The following DDX3Y variants were observed in gnomAD, a reference collection of about 807,000 sequenced individuals.
The protein encoded by DDX3Y is DEAD-box helicase 3 Y-linked, also known as ATP-dependent RNA helicase DDX3Y.
A neutral mutation model predicts 15.1 loss-of-function variants in DDX3Y; 2 were observed. That is an observed-to-expected ratio of 0.13 (90% CI 0.05 to 0.42). DDX3Y has a LOEUF of 0.42. Among genes scored for constraint, DDX3Y ranks in the 10% least tolerant of loss-of-function variants. The probability of loss-of-function intolerance (pLI) is 0.99; values close to 1 mark genes in which losing one functional copy is unlikely to be tolerated. For missense variants in DDX3Y, 81 were observed against 149.9 expected (o/e 0.54, Z 2.40); for synonymous variants, 47 against 45.0 (o/e 1.04, Z -0.18).
rs755590683 is a variant in DDX3Y at position 12,916,261 on chromosome Y, G to A, written c.1310G>A (p.Gly437Glu). 2.5e-6 allele frequency: 1 copy of A among 397,233 alleles called. No individual in the cohort carries two copies. Among genetic ancestry groups the A allele is most frequent in the South Asian group, 3.0e-5 (1 of 33,539 alleles). Residue 437 changes from glycine to glutamate, a missense_variant and splice_region_variant, in exon 13 of 17, where the codon GGG (glycine) becomes GAG (glutamate). Coordinates refer to ENST00000336079, the MANE Select transcript of DDX3Y (RefSeq NM_004660.5). ...SFLLDILGAT[G>E]SDSLTLVFVE... ...TAAACAAAGCCTTATAATTTTTCAG[G>A]GAGTGATTCACTTACTTTAGTGTTT...
chrY:12,917,482 C>T lies in DDX3Y; in HGVS notation c.1843C>T (p.Arg615Cys). The T allele has an allele frequency of 2.5e-6, 1 of 397,883 alleles. No homozygotes were observed. ...GSSSSGFGASRGSSSRSGGGG... is the reference protein window; with the variant it reads ...GSSSSGFGASCGSSSRSGGGG... ...CAGCAGTTCTGGCTTTGGTGCTAGTCGCGGAAGCAGCAGCCGCAGTGGTGG... is the reference window on the plus strand; with the variant it reads ...CAGCAGTTCTGGCTTTGGTGCTAGTTGCGGAAGCAGCAGCCGCAGTGGTGG... The change falls in exon 16 of 17, where the codon CGC becomes TGC. Residue 615 changes from arginine to cysteine, a missense_variant. By Grantham distance (180) the Arg-to-Cys change is radical (BLOSUM62 -3). Coordinates refer to ENST00000336079, the MANE Select transcript of DDX3Y (RefSeq NM_004660.5).
chrY:12,911,862 G>T lies in DDX3Y; in HGVS notation c.175G>T (p.Gly59Cys). The T allele has an allele frequency of 2.5e-6, 1 of 398,149 alleles. No homozygotes were observed. The highest frequency in any genetic ancestry group is 3.5e-6 in the Non-Finnish European group (1 of 282,953). Residue 59 changes from glycine to cysteine, a missense_variant, in exon 4 of 17, where the codon GGT becomes TGT. Transcript: ENST00000336079. ...AGGATTCCATGATAAAGACAGTTCA[G>T]GTTGGAGTTGCAGCAAAGATAAGGA... The part of the protein sequence containing the change: ...SKGFHDKDSS[G>C]WSCSKDKDAY...
chrY:12,907,028 G>GT (rs555293982), intron 1 of DDX3Y, among the ~76,000 whole-genome samples: 3,380 of 24,488 alleles, frequency 0.14, no homozygotes, highest in African/African-American at 0.54. Flanking sequence ...ACATAGTGAA[G>GT]TTTTTTTTTT....
intron 3 of DDX3Y, chrY:12,909,833 A>T: frequency 3.0e-5 from 1 of 33,002 alleles, no homozygotes; most frequent in Non-Finnish European, 7.4e-5. Context: ...GCCACATCCA[A>T]TAAGCTGGTG....
chrY:12,910,588 C>T (rs752279320), intron 3 of DDX3Y, among the ~76,000 whole-genome samples: 11 of 32,775 alleles, frequency 3.4e-4, no homozygotes, highest in Non-Finnish European at 6.7e-4. Context: ...TACATAGTTA[C>T]TTTTGGACTT....
chrY:12,919,158 C>T lies in DDX3Y; in HGVS notation c.*1036C>T. 1 of 33,652 alleles carries T rather than the reference C, an allele frequency of 3.0e-5. No homozygotes were observed. Among genetic ancestry groups the T allele is most frequent in the Non-Finnish European group, 7.3e-5 (1 of 13,608 alleles). The allele number at this position is 33,652 out of a possible 400,897, so 8.4% of individuals were successfully genotyped here. ...TAATTTAATGTAGATTCATACTGCT[C>T]TGTTAAAGCTGCATTGAAATGTTAA... On this transcript the variant is annotated 3_prime_UTR_variant, in exon 17 of 17. Transcript: ENST00000336079.
Position 12,912,796 on chromosome Y carries a change from T to G in DDX3Y, c.351T>G (p.Phe117Leu). ...GNRERPGFGR[F>L]ERSGHSRWCD... ...GTGAAAGACCTGGCTTTGGCAGATT[T>G]GAACGGAGTGGACATAGTCGTTGGT... is the stretch of plus-strand genomic sequence containing the variant. The change falls in exon 5 of 17, where the codon TTT becomes TTG. Residue 117 changes from phenylalanine (F) to leucine (L), a missense_variant. By Grantham distance (22) the Phe-to-Leu change is conservative. Transcript: ENST00000336079. The G allele has an allele frequency of 2.5e-6, 1 of 398,841 alleles. No individual in the cohort carries two copies. Among genetic ancestry groups the G allele is most frequent in the Non-Finnish European group, 3.5e-6 (1 of 283,406 alleles).
intron 1 of DDX3Y, chrY:12,905,572 A>C: frequency 5.1e-5 from 2 of 38,921 alleles, no homozygotes; most frequent in African/African-American, 2.3e-4. Flanking sequence ...AAGACGAGTG[A>C]CTATAATATA....
At chrY:12,912,654 C>A in intron 4 of DDX3Y, 73 bp from the exon 5 acceptor site, 2 of 358,722 alleles carry the variant, frequency 5.6e-6, no homozygotes, top group Non-Finnish European at 8.1e-6. Context: ...AACTGATACC[C>A]AAGTACGTTT....
At chrY:12,905,925 A>T in intron 1 of DDX3Y, 1 of 107,752 alleles carries the variant, frequency 9.3e-6, no homozygotes, top group South Asian at 5.1e-5. Context: ...ACTTTAGGCG[A>T]TACATGCAGA....
intron 3 of DDX3Y, 85 bp from the exon 4 acceptor site, chrY:12,911,754 A>G: frequency 7.4e-6 from 2 of 270,656 alleles, no homozygotes; most frequent in African/African-American, 1.5e-4. Context: ...ATAAAGGAAG[A>G]CTACATGTGA....
rs1603207965 is a variant in DDX3Y, at chrY:12,918,975, T to A, written c.*853T>A. 9.0e-5 allele frequency: 3 copies of A among 33,499 alleles called. No homozygotes were observed. Among genetic ancestry groups the A allele is most frequent in the Admixed American group, 2.7e-4 (1 of 3,662 alleles). The allele number at this position is 33,499 out of a possible 400,897, so 8.4% of individuals were successfully genotyped here. A position where few individuals can be genotyped will look rare whatever the true frequency, so the allele number is the denominator to read the frequency against. ...ATGGGGGAGATTTAATCAGTTTTTT[T>A]AATGCCTGCTATAAAAATTTGAAAT... On this transcript the variant is annotated 3_prime_UTR_variant, in exon 17 of 17. Transcript: ENST00000336079.
intron 2 of DDX3Y, 105 bp downstream of exon 2, chrY:12,907,699 CTA>C (rs2053615880): frequency 8.0e-6 from 1 of 124,463 alleles, no homozygotes; most frequent in South Asian, 1.2e-4. Context: ...TACAACTTGA[CTA>C]TATGAAAATA....
At chrY:12,910,099 C>T in intron 3 of DDX3Y, among the ~76,000 whole-genome samples, 1 of 32,996 alleles carries the variant, frequency 3.0e-5, no homozygotes, top group Middle Eastern at 0.014. Context: ...TCTGTAGCCT[C>T]TTTAGGTCTG....
At chrY:12,912,417 A>G in intron 4 of DDX3Y, among the ~76,000 whole-genome samples, 1 of 33,998 alleles carries the variant, frequency 2.9e-5, no homozygotes, top group Non-Finnish European at 7.3e-5. Context: ...AGATGATACT[A>G]TTTTAAATGA....
chrY:12,914,869 A>T lies in DDX3Y; in HGVS notation c.760-15A>T, dbSNP rs2053641255. On this transcript the variant is annotated splice_polypyrimidine_tract_variant and intron_variant, in intron 8 of 16. Transcript: ENST00000336079. ...AGTTTTGGGTTATGAATTTAAAATT[A>T]TATTTATGTTTTAGGAAAATGGAAG... The T allele has an allele frequency of 2.6e-6, 1 of 379,094 alleles. No homozygotes were observed. Among genetic ancestry groups the T allele is most frequent in the South Asian group, 3.2e-5 (1 of 31,019 alleles). 94.6% of individuals were successfully genotyped at this position (379,094 alleles called of 400,897 possible).
rs1189894715 is a variant in DDX3Y at position 12,918,152 on chromosome Y, A to G, written c.*30A>G. On this transcript the variant is annotated 3_prime_UTR_variant, in exon 17 of 17. Transcript: ENST00000336079. ...GCTTTGCAGCAAAGTCACCCTTACA[A>G]AGAAGCTAATATGGAAACCACATGT... 1 of 338,430 alleles carries G rather than the reference A, an allele frequency of 3.0e-6. No homozygotes were observed. 84.4% of individuals were successfully genotyped at this position (338,430 alleles called of 400,897 possible).
Position 12,918,226 on chromosome Y carries a change from C to T in DDX3Y, c.*104C>T. 2 of 139,464 alleles carry T rather than the reference C, an allele frequency of 1.4e-5. No homozygotes were observed. Among genetic ancestry groups the T allele is most frequent in the East Asian group, 1.3e-4 (1 of 7,432 alleles). The allele number at this position is 139,464 out of a possible 400,897, so 34.8% of individuals were successfully genotyped here. On this transcript the variant is annotated 3_prime_UTR_variant, in exon 17 of 17. Coordinates refer to ENST00000336079, the MANE Select transcript of DDX3Y (RefSeq NM_004660.5). ...AGCTTCAAGAACTTGCAGTACATTA[C>T]CAGCTGTGATTCTCCTGATAATTCA... is the stretch of plus-strand genomic sequence containing the variant.
At chrY:12,905,929 A>G in intron 1 of DDX3Y, 2 of 98,366 alleles carry the variant, frequency 2.0e-5, no homozygotes, top group Non-Finnish European at 4.3e-5. Context: ...TAGGCGATAC[A>G]TGCAGAAGTC....
Sources: allele counts gnomAD v4.1 joint callset (sites outside exome capture counted in the v4.1 genomes callset), GRCh38; gene constraint gnomAD v4.1.1; transcripts MANE v1.5; gene names NCBI Gene and HGNC (gene_info 2026-07-23, HGNC 2026-07-21).